Variants in PPM1L observed in about 807,000 individuals in gnomAD.
PPM1L encodes protein phosphatase 1L.
A neutral mutation model predicts 31.4 loss-of-function variants in PPM1L; 13 were observed. That is an observed-to-expected ratio of 0.41 (90% confidence interval 0.27 to 0.66). The LOEUF (loss-of-function observed/expected upper bound fraction) is 0.66. PPM1L is among the 30% of genes least tolerant of loss of function. The probability of loss-of-function intolerance (pLI) is 0.29; values close to 1 mark genes in which losing one functional copy is unlikely to be tolerated. For synonymous variants in PPM1L, 184 were observed against 175.4 expected (o/e 1.05, Z -0.39); for missense variants, 326 against 453.7 (o/e 0.72, Z 2.56).
At chr3:160,866,455 T>C (rs1712090275) in intron 1 of PPM1L, among the ~76,000 whole-genome samples, 1 of 152,220 alleles carries the variant, frequency 6.6e-6, no homozygotes, top group Non-Finnish European at 1.5e-5. Flanking sequence ...TTATGACTTA[T>C]TCACATTTCC....
At chr3:160,922,496 C>T (rs1714450073) in intron 1 of PPM1L, among the ~76,000 whole-genome samples, 1 of 152,160 alleles carries the variant, frequency 6.6e-6, no homozygotes. Context: ...ATATAATTCT[C>T]CATCACCCAC....
intron 1 of PPM1L, among the ~76,000 whole-genome samples, chr3:160,919,247 A>C (rs921309588): frequency 6.6e-6 from 1 of 152,142 alleles, no homozygotes; most frequent in Non-Finnish European, 1.5e-5. Flanking sequence ...TTTCTGAGAG[A>C]TTCTTTTTCC....
rs141882156 is a variant in PPM1L at position 160,887,863 on chromosome 3, C to T, written c.400-73873C>T. On this transcript the variant is annotated intron_variant, in intron 1 of 3. Transcript: ENST00000498165. ...AAGTGCTGGGATTATAGGCGTGAGCCACTGTGCCCAGCCTCCAACATTCTT... is the reference window on the plus strand; with the variant it reads ...AAGTGCTGGGATTATAGGCGTGAGCTACTGTGCCCAGCCTCCAACATTCTT... Among the ~76,000 whole-genome samples the T allele has an allele frequency of 4.5e-3, 690 of 152,186 alleles. 3 individuals are homozygous for T. Among genetic ancestry groups the T allele is most frequent in the African/African-American group, 0.016 (660 of 41,518 alleles).
At chr3:161,045,019 C>T (rs1719017561) in intron 2 of PPM1L, among the ~76,000 whole-genome samples, 2 of 152,068 alleles carry the variant, frequency 1.3e-5, no homozygotes, top group African/African-American at 4.8e-5. Flanking sequence ...TCAAAAGAGA[C>T]AAAGAAGGCC....
chr3:160,926,246 C>T (rs1287257403), intron 1 of PPM1L, among the ~76,000 whole-genome samples: 1 of 152,184 alleles, frequency 6.6e-6, no homozygotes, highest in African/African-American at 2.4e-5. Flanking sequence ...GCAGCAGCCT[C>T]TCTTAAAGAT....
intron 1 of PPM1L, among the ~76,000 whole-genome samples, chr3:160,830,492 G>T (rs566018838): frequency 6.6e-6 from 1 of 152,122 alleles, no homozygotes. Flanking sequence ...TATTCCCACC[G>T]TACCCTGAAA....
intron 2 of PPM1L, among the ~76,000 whole-genome samples, chr3:161,052,115 G>A (rs2108099451): frequency 6.6e-6 from 1 of 152,326 alleles, no homozygotes; most frequent in East Asian, 1.9e-4. Context: ...GTTCTCAGCA[G>A]TTTTCTCTGC....
chr3:161,037,379 A>G (rs964766235), intron 2 of PPM1L, among the ~76,000 whole-genome samples: 1 of 148,512 alleles, frequency 6.7e-6, no homozygotes. Context: ...ATCCATGTGA[A>G]TGCACTTGGG....
chr3:160,869,548 GTCATATAGAAAT>G (rs1193523960), intron 1 of PPM1L, among the ~76,000 whole-genome samples: 1 of 151,960 alleles, frequency 6.6e-6, no homozygotes, highest in Non-Finnish European at 1.5e-5. Flanking sequence ...GGTATTTTTT[GTCATATAGAAAT>G]TTCAAGTTTT....
intron 1 of PPM1L, among the ~76,000 whole-genome samples, chr3:160,850,656 G>A (rs1399802312): frequency 1.3e-5 from 2 of 152,074 alleles, no homozygotes; most frequent in Non-Finnish European, 2.9e-5. Flanking sequence ...CATCATTTTG[G>A]AGATTTCCAA....
chr3:160,942,136 T>C (rs1261036883), intron 1 of PPM1L, among the ~76,000 whole-genome samples: 2 of 152,214 alleles, frequency 1.3e-5, no homozygotes, highest in Admixed American at 1.3e-4. Context: ...CACCAAAACA[T>C]GTAGAAGTTT....
At chr3:160,970,063 A>G (rs907967191) in intron 2 of PPM1L, among the ~76,000 whole-genome samples, 2 of 152,158 alleles carry the variant, frequency 1.3e-5, no homozygotes, top group Non-Finnish European at 2.9e-5. Flanking sequence ...GCTGTTATAA[A>G]CTACCTATAA....
rs1719983462 is a variant in PPM1L at position 161,073,101 on chromosome 3, C to G, written c.*3944C>G. On this transcript the variant is annotated 3_prime_UTR_variant, in exon 4 of 4. Transcript: ENST00000498165. ...TTCCCAAAGTGTGTTCCAAAGAACACAAGTTCCAAAGATGCTCTTCTAAAT... is the reference window on the plus strand; with the variant it reads ...TTCCCAAAGTGTGTTCCAAAGAACAGAAGTTCCAAAGATGCTCTTCTAAAT... 1 of 152,184 alleles carries G rather than the reference C, an allele frequency of 6.6e-6. No individual in the cohort carries two copies. Among genetic ancestry groups the G allele is most frequent in the African/African-American group, 2.4e-5 (1 of 41,446 alleles). 9.4% of individuals were successfully genotyped at this position (152,184 alleles called of 1,614,324 possible). A position where few individuals can be genotyped will look rare whatever the true frequency, so the allele number is the denominator to read the frequency against.
At chr3:161,037,683 C>A (rs1461135451) in intron 2 of PPM1L, among the ~76,000 whole-genome samples, 1 of 148,856 alleles carries the variant, frequency 6.7e-6, no homozygotes, top group Non-Finnish European at 1.5e-5. Flanking sequence ...CTGCCTGCCT[C>A]AGCCTCCCAA....
intron 1 of PPM1L, among the ~76,000 whole-genome samples, chr3:160,836,555 C>T (rs547882600): frequency 6.6e-6 from 1 of 152,314 alleles, no homozygotes; most frequent in African/African-American, 2.4e-5. Context: ...CTCACAGATA[C>T]AGAGAAAGTA....
At chr3:160,801,392 T>A (rs1712420560) in intron 1 of PPM1L, among the ~76,000 whole-genome samples, 1 of 152,182 alleles carries the variant, frequency 6.6e-6, no homozygotes, top group Admixed American at 6.5e-5. Flanking sequence ...ATGGATTTTA[T>A]GTGTTGGAGG....
intron 1 of PPM1L, among the ~76,000 whole-genome samples, chr3:160,891,959 A>G (rs890314733): frequency 7.2e-5 from 11 of 152,244 alleles, no homozygotes; most frequent in African/African-American, 2.4e-4. Context: ...GAACATATGG[A>G]CACAGGGAGG....
intron 2 of PPM1L, among the ~76,000 whole-genome samples, chr3:161,041,932 T>C (rs1210449072): frequency 6.6e-6 from 1 of 152,198 alleles, no homozygotes. Context: ...GTCATCATCA[T>C]TGTTAAAAAA....
chr3:160,864,984 G>A (rs1164978625), intron 1 of PPM1L, among the ~76,000 whole-genome samples: 1 of 152,092 alleles, frequency 6.6e-6, no homozygotes, highest in East Asian at 1.9e-4. Context: ...AACCACTGAG[G>A]AAGTTTATAC....
Sources: allele counts gnomAD v4.1 joint callset (sites outside exome capture counted in the v4.1 genomes callset), GRCh38; gene constraint gnomAD v4.1.1; transcripts MANE v1.5; gene names NCBI Gene and HGNC (gene_info 2026-07-23, HGNC 2026-07-21).